Variants in SLC23A1 observed in about 807,000 individuals in gnomAD.
SLC23A1 encodes the protein solute carrier family 23 member 1, also known as Na(+)/L-ascorbic acid transporter 1.
SLC23A1 carries 31 observed loss-of-function variants against 62.5 expected under a neutral mutation model. The observed-to-expected ratio is 0.50, with a 90% CI of 0.37 to 0.67. The LOEUF is 0.67. SLC23A1 is among the 30% of genes least tolerant of loss of function. The pLI is 0.00. For synonymous variants in SLC23A1, 271 were observed against 313.2 expected (o/e 0.87, Z 1.42); for missense variants, 640 against 782.7 (o/e 0.82, Z 2.18).
chr5:139,381,516 C>A (rs903644190), intron 3 of SLC23A1, among the ~76,000 whole-genome samples: 1 of 150,456 alleles, frequency 6.6e-6, no homozygotes, highest in African/African-American at 2.5e-5. Flanking sequence ...ATCGCTTGAA[C>A]GCGGGAGAAT....
Position 139,382,350 on chromosome 5 carries a change from C to T in SLC23A1, c.150+142G>A, listed in dbSNP as rs1581381389. Reference sequence around the variant, plus strand: ...ATCTTCTTTCAGGATTCAGCCTCTTCCCGACTCCTGCTTGCTGACAGCCAC... The same window carrying T: ...ATCTTCTTTCAGGATTCAGCCTCTTTCCGACTCCTGCTTGCTGACAGCCAC... On this transcript the variant is annotated intron_variant, in intron 2 of 14. Transcript: ENST00000348729. 6.6e-5 allele frequency: 40 copies of T among 608,864 alleles called. No homozygotes were observed. In the East Asian group the frequency reaches 1.1e-3, roughly 17 times the overall value. The allele number at this position is 608,864 out of a possible 1,614,324, so 37.7% of individuals were successfully genotyped here.
At position 139,378,367 on chromosome 5, in the gene SLC23A1, C is replaced by A; in HGVS notation, c.1180-16G>T. On this transcript the variant is annotated splice_polypyrimidine_tract_variant and intron_variant, in intron 10 of 14. Coordinates refer to ENST00000348729, the MANE Select transcript of SLC23A1 (RefSeq NM_005847.5). This position sits in a 1 kb window ranked among gnomAD's most constrained non-coding sequence, Gnocchi z 4.5. ...GGCTGCCCACCTGCCGGGGAGCCAG[C>A]GGGGAAGCTAGACCTGGGGACGAGG... 1.9e-6 allele frequency: 3 copies of A among 1,553,718 alleles called. No individual in the cohort carries two copies. The highest frequency in any genetic ancestry group is 2.6e-6 in the Non-Finnish European group (3 of 1,149,170).
rs376425299 is a variant in SLC23A1, at chr5:139,376,247, G to A, written c.1549+1155C>T. On this transcript the variant is annotated intron_variant, in intron 13 of 14. Coordinates refer to ENST00000348729, the MANE Select transcript of SLC23A1 (RefSeq NM_005847.5). ...TGCAATGGCACGATCTCGGCCCACC[G>A]CAACCTTCGCCTCCCAGGTTCAAGC... 1.3e-4 allele frequency among the ~76,000 whole-genome samples: 19 copies of A among 150,092 alleles called. No individual in the cohort carries two copies. The East Asian group carries it at 1.8e-3, about 14-fold the overall frequency.
chr5:139,369,095 C>CT (rs1757487268), intron 14 of SLC23A1: 3 of 230,090 alleles, frequency 1.3e-5, no homozygotes, highest in African/African-American at 2.3e-5. Flanking sequence ...ACCAAATTGT[C>CT]TTTTTTTGAG....
upstream of SLC23A1, chr5:139,383,438 A>G: frequency 3.1e-6 from 4 of 1,293,048 alleles, no homozygotes; most frequent in Non-Finnish European, 3.9e-6. Flanking sequence ...CTAGGACAGT[A>G]AAAGCCACCC....
chr5:139,370,637 G>A (rs1278578931), intron 14 of SLC23A1, among the ~76,000 whole-genome samples: 1 of 151,814 alleles, frequency 6.6e-6, no homozygotes, highest in Non-Finnish European at 1.5e-5. Context: ...GATTACAGGC[G>A]CCTACCACCA....
chr5:139,380,792 A>G lies in SLC23A1; in HGVS notation c.397+6T>C. ...TCCCCAGTGCAGACCCCAGAAGTGTACCCACCTTCCGGGGGGCATTTCCAT... is the reference window on the plus strand; with the variant it reads ...TCCCCAGTGCAGACCCCAGAAGTGTGCCCACCTTCCGGGGGGCATTTCCAT... On this transcript the variant is annotated splice_donor_region_variant and intron_variant, in intron 4 of 14. Coordinates refer to ENST00000348729, the MANE Select transcript of SLC23A1 (RefSeq NM_005847.5). 1 of 1,549,082 alleles carries G rather than the reference A, an allele frequency of 6.5e-7. No individual in the cohort carries two copies. The highest frequency in any genetic ancestry group is 1.2e-5 in the South Asian group (1 of 85,810).
chr5:139,380,900 A>C lies in SLC23A1; in HGVS notation c.309-14T>G. ...AACAGCGGCAGCCTGGAGGAGAGGCACAAAGCAACAGGGGTGGGGAGGGGC... is the reference window on the plus strand; with the variant it reads ...AACAGCGGCAGCCTGGAGGAGAGGCCCAAAGCAACAGGGGTGGGGAGGGGC... On this transcript the variant is annotated splice_polypyrimidine_tract_variant and intron_variant, in intron 3 of 14. Coordinates refer to ENST00000348729, the MANE Select transcript of SLC23A1 (RefSeq NM_005847.5). 7.9e-7 allele frequency: 1 copy of C among 1,261,652 alleles called. No individual in the cohort carries two copies. Among genetic ancestry groups the C allele is most frequent in the Non-Finnish European group, 1.1e-6 (1 of 899,582 alleles). The allele number at this position is 1,261,652 out of a possible 1,614,324, so 78.2% of individuals were successfully genotyped here. A position where few individuals can be genotyped will look rare whatever the true frequency, so the allele number is the denominator to read the frequency against.
At chr5:139,375,862 G>C (rs1757922312) in intron 13 of SLC23A1, among the ~76,000 whole-genome samples, 2 of 151,644 alleles carry the variant, frequency 1.3e-5, no homozygotes, top group Admixed American at 1.3e-4. Flanking sequence ...GGACAGGTGT[G>C]GTGGCTCACA....
chr5:139,368,433 G>A (rs1757431483), intron 14 of SLC23A1, among the ~76,000 whole-genome samples: 1 of 152,160 alleles, frequency 6.6e-6, no homozygotes, highest in Non-Finnish European at 1.5e-5. Flanking sequence ...GGAGGCTGAG[G>A]CAGGAGAATC....
chr5:139,381,790 C>CT, intron 3 of SLC23A1, 102 bp downstream of exon 3: 2 of 989,672 alleles, frequency 2.0e-6, no homozygotes, highest in Non-Finnish European at 3.0e-6. Flanking sequence ...CAGAAAGCGG[C>CT]TTTTTTGTCT....
At chr5:139,368,247 G>A (rs986519856) in intron 14 of SLC23A1, among the ~76,000 whole-genome samples, 2 of 152,112 alleles carry the variant, frequency 1.3e-5, no homozygotes, top group African/African-American at 4.8e-5. Flanking sequence ...ATGAGAGACA[G>A]GAGAATGGTG....
In SLC23A1 at chr5:139,379,378, G is replaced by T. The variant is rs759617514; in HGVS notation, c.926-24C>A. Reference sequence around the variant, plus strand: ...ACCTGTGCTCGGAGGGAGACAGGATGGTGGCTACAGTGAGGAGACTGTGAT... The same window carrying T: ...ACCTGTGCTCGGAGGGAGACAGGATTGTGGCTACAGTGAGGAGACTGTGAT... On this transcript the variant is annotated intron_variant, in intron 8 of 14. Transcript: ENST00000348729. The surrounding 1 kb of genome is among the most constrained non-coding windows in gnomAD (Gnocchi z 4.7). 6.2e-7 allele frequency: 1 copy of T among 1,612,176 alleles called. No individual in the cohort carries two copies. Among genetic ancestry groups the T allele is most frequent in the Non-Finnish European group, 8.5e-7 (1 of 1,178,296 alleles).
At chr5:139,377,800 T>C (rs1758017131) in intron 12 of SLC23A1, among the ~76,000 whole-genome samples, 175 bp downstream of exon 12, 1 of 152,222 alleles carries the variant, frequency 6.6e-6, no homozygotes, top group African/African-American at 2.4e-5. Flanking sequence ...TCAATATCTG[T>C]CCACAGGAAG....
intron 14 of SLC23A1, among the ~76,000 whole-genome samples, chr5:139,367,939 C>T (rs369847451): frequency 6.6e-6 from 1 of 152,178 alleles, no homozygotes; most frequent in Non-Finnish European, 1.5e-5. Context: ...TGCAGTGGCT[C>T]ACGCCTGTAG....
intron 13 of SLC23A1, among the ~76,000 whole-genome samples, chr5:139,373,877 G>A (rs142451308): frequency 3.3e-5 from 5 of 152,290 alleles, no homozygotes; most frequent in Admixed American, 1.3e-4. Context: ...TCTGGTGTCC[G>A]ATTACCTCGC....
chr5:139,383,309 G>C (rs769315391), upstream of SLC23A1: 9 of 1,597,836 alleles, frequency 5.6e-6, no homozygotes, highest in South Asian at 6.8e-5. Context: ...ACTTGACAAA[G>C]GCCAAGGAGG....
At chr5:139,368,073 C>T (rs568274216) in intron 14 of SLC23A1, among the ~76,000 whole-genome samples, 1 of 152,238 alleles carries the variant, frequency 6.6e-6, no homozygotes, top group African/African-American at 2.4e-5. Flanking sequence ...CGGTGGCTTA[C>T]GCCTGTAATC....
chr5:139,379,441 A>G lies in SLC23A1; in HGVS notation c.926-87T>C. On this transcript the variant is annotated intron_variant, in intron 8 of 14. Transcript: ENST00000348729. The surrounding 1 kb of genome is among the most constrained non-coding windows in gnomAD (Gnocchi z 4.7). ...ACAGGGCAGTGCTGGAAGGAGCAAG[A>G]GCAGATCAGGAGACCTCAGGCTGGG... is the stretch of plus-strand genomic sequence containing the variant. 1.4e-6 allele frequency: 2 copies of G among 1,379,938 alleles called. No individual in the cohort carries two copies. The highest frequency in any genetic ancestry group is 2.4e-5 in the South Asian group (2 of 84,210). The allele number at this position is 1,379,938 out of a possible 1,614,324, so 85.5% of individuals were successfully genotyped here. A position where few individuals can be genotyped will look rare whatever the true frequency, so the allele number is the denominator to read the frequency against.
Sources: allele counts gnomAD v4.1 joint callset (sites outside exome capture counted in the v4.1 genomes callset), GRCh38; gene constraint gnomAD v4.1.1; non-coding constraint Gnocchi (gnomAD v3.1); transcripts MANE v1.5; gene names NCBI Gene and HGNC (gene_info 2026-07-23, HGNC 2026-07-21).